The following GDI2 variants were observed in gnomAD, a reference collection of about 807,000 sequenced individuals.
The protein encoded by GDI2 is GDP dissociation inhibitor 2, also known as rab GDP dissociation inhibitor beta.
GDI2 carries 22 observed loss-of-function variants against 54.2 expected under a neutral mutation model. The observed-to-expected ratio is 0.41, with a 90% confidence interval of 0.29 to 0.58. The LOEUF (loss-of-function observed/expected upper bound fraction) is 0.58, where lower values mean the gene tolerates loss of function less well. GDI2 is among the 20% of genes least tolerant of loss of function. GDI2 has a pLI of 0.35. For missense variants in GDI2, 422 were observed against 546.0 expected (o/e 0.77, Z 2.26); for synonymous variants, 177 against 182.1 (o/e 0.97, Z 0.23).
rs1840745270 is a variant in GDI2 at position 5,781,168 on chromosome 10, G to C, written c.719+3974C>G. Among the ~76,000 whole-genome samples, 5 of 140,710 alleles carry C rather than the reference G, an allele frequency of 3.6e-5. No individual in the cohort carries two copies. In the South Asian group the frequency reaches 9.1e-4, roughly 26 times the overall value. 92.3% of individuals were successfully genotyped at this position (140,710 alleles called of 152,430 possible). On this transcript the variant is annotated intron_variant, in intron 6 of 10. Transcript: ENST00000380191. ...ATGCAGCTAAAACAACTAAATATTC[G>C]TATGTAAAAAAAAAAAAGAACCTCA...
chr10:5,800,798 G>T, intron 1 of GDI2, 93 bp from the exon 2 acceptor site: 5 of 727,648 alleles, frequency 6.9e-6, no homozygotes, highest in Non-Finnish European at 7.6e-6. Flanking sequence ...CATTCTCTTA[G>T]TAATTACACT....
chr10:5,791,519 G>A (rs1194372500), intron 4 of GDI2, among the ~76,000 whole-genome samples: 5 of 152,128 alleles, frequency 3.3e-5, no homozygotes, highest in South Asian at 2.1e-4. Context: ...AGGCCAAGGC[G>A]GACGGATCAT....
chr10:5,803,289 G>C (rs1841308914), intron 1 of GDI2, among the ~76,000 whole-genome samples: 1 of 152,138 alleles, frequency 6.6e-6, no homozygotes, highest in Admixed American at 6.6e-5. Context: ...GGGTGTGGTG[G>C]TGAGCACCTG....
intron 4 of GDI2, among the ~76,000 whole-genome samples, chr10:5,790,243 C>CA (rs1324368368): frequency 1.3e-5 from 2 of 152,186 alleles, no homozygotes; most frequent in African/African-American, 4.8e-5. Context: ...CTTTTGGTAC[C>CA]AATAAGTCCA....
chr10:5,765,924 G>A lies in GDI2; in HGVS notation c.*82C>T. ...TCTCTCCATTTTCATTACAAAAGCA[G>A]GCCTTACAATATTGATTTCATTATA... On this transcript the variant is annotated 3_prime_UTR_variant, in exon 11 of 11. Coordinates refer to ENST00000380191, the MANE Select transcript of GDI2 (RefSeq NM_001494.4). The A allele has an allele frequency of 1.1e-6, 1 of 949,010 alleles. No homozygotes were observed. Among genetic ancestry groups the A allele is most frequent in the South Asian group, 1.7e-5 (1 of 59,490 alleles). The allele number at this position is 949,010 out of a possible 1,614,324, so 58.8% of individuals were successfully genotyped here.
chr10:5,804,434 A>T, intron 1 of GDI2, among the ~76,000 whole-genome samples: 1 of 152,104 alleles, frequency 6.6e-6, no homozygotes, highest in Admixed American at 6.6e-5. Context: ...AAACATTCTG[A>T]GCACTCCAGA....
chr10:5,767,463 G>A (rs1840375174), intron 8 of GDI2, among the ~76,000 whole-genome samples: 1 of 152,054 alleles, frequency 6.6e-6, no homozygotes, highest in Non-Finnish European at 1.5e-5. Flanking sequence ...ACAGGTGTGT[G>A]CCACCACACC....
chr10:5,803,118 A>C lies in GDI2; in HGVS notation c.46-2413T>G, dbSNP rs140065376. Among the ~76,000 whole-genome samples, 55 of 152,376 alleles carry C rather than the reference A, an allele frequency of 3.6e-4. No individual in the cohort carries two copies. In the East Asian group the frequency reaches 0.01, roughly 28 times the overall value. On this transcript the variant is annotated intron_variant, in intron 1 of 10. Transcript: ENST00000380191. The stretch of plus-strand genomic sequence containing the variant: ...TGTGAATTCAGTTTTATTAAGCCAG[A>C]CATTAAAGGATTTGCAGAAAACGTG...
Position 5,776,110 on chromosome 10 carries a change from C to A in GDI2, c.720-2169G>T. 4.1e-6 allele frequency: 1 copy of A among 246,738 alleles called. No individual in the cohort carries two copies. 15.3% of individuals were successfully genotyped at this position (246,738 alleles called of 1,614,324 possible). A position where few individuals can be genotyped will look rare whatever the true frequency, so the allele number is the denominator to read the frequency against. Reference sequence around the variant, plus strand: ...CTCATCAACAGAGCAGATGAACAGACCATTTATCAGCAACTACAAAGAAGC... The same window carrying A: ...CTCATCAACAGAGCAGATGAACAGAACATTTATCAGCAACTACAAAGAAGC... On this transcript the variant is annotated intron_variant, in intron 6 of 10. Coordinates refer to ENST00000380191, the MANE Select transcript of GDI2 (RefSeq NM_001494.4). This position sits in a 1 kb window ranked among gnomAD's most constrained non-coding sequence, Gnocchi z 5.3.
intron 1 of GDI2, among the ~76,000 whole-genome samples, chr10:5,803,397 C>A (rs1050881061): frequency 2.6e-5 from 4 of 152,142 alleles, no homozygotes; most frequent in Middle Eastern, 3.4e-3. Context: ...GCACTTCAGC[C>A]TGGGTGACAA....
rs74827454 is a variant in GDI2 at position 5,798,455 on chromosome 10, G to T, written c.154-1593C>A. 2.8e-3 allele frequency among the ~76,000 whole-genome samples: 428 copies of T among 152,076 alleles called. 9 individuals carry two copies. Among genetic ancestry groups the T allele is most frequent in the Admixed American group, 0.021 (318 of 15,260 alleles). ...ATACAAAAAATTAGCCAGACGTGAT[G>T]ATGTACGCCTGTAATTCCAGCTACT... On this transcript the variant is annotated intron_variant, in intron 2 of 10. Transcript: ENST00000380191.
At chr10:5,780,174 A>T (rs1202413044) in intron 6 of GDI2, among the ~76,000 whole-genome samples, 1 of 151,350 alleles carries the variant, frequency 6.6e-6, no homozygotes, top group East Asian at 1.9e-4. Flanking sequence ...ATGCCACTGC[A>T]CTCTAGCATG....
At chr10:5,806,602 T>C (rs752141607) in intron 1 of GDI2, among the ~76,000 whole-genome samples, 5 of 152,166 alleles carry the variant, frequency 3.3e-5, no homozygotes. Flanking sequence ...TTCTGTGGCC[T>C]GCCTTTTCAC....
intron 4 of GDI2, among the ~76,000 whole-genome samples, chr10:5,787,331 C>T (rs1038646708): frequency 4.6e-5 from 7 of 152,094 alleles, no homozygotes; most frequent in African/African-American, 1.7e-4. Flanking sequence ...ATGGTGAAAC[C>T]CCATCTCTAC....
chr10:5,775,545 G>C (rs1308203029), intron 6 of GDI2, among the ~76,000 whole-genome samples: 1 of 152,138 alleles, frequency 6.6e-6, no homozygotes, highest in Admixed American at 6.5e-5. Flanking sequence ...GAAAATTGTA[G>C]GGGAAAGTTT....
chr10:5,768,391 CAAAGCATTTAA>C lies in GDI2; in HGVS notation c.820-18_820-8del. The C allele has an allele frequency of 6.3e-7, 1 of 1,597,740 alleles. No individual in the cohort carries two copies. The highest frequency in any genetic ancestry group is 2.2e-5 in the East Asian group (1 of 44,792). ...GCTGCTTACAGCGAGCAATCTATAA[CAAAGCATTTAA>C]GAAGACACTGAAGCGGACAAGGATA... On this transcript the variant is annotated splice_region_variant and splice_polypyrimidine_tract_variant and intron_variant, in intron 7 of 10. Transcript: ENST00000380191. The surrounding 1 kb of genome is among the most constrained non-coding windows in gnomAD (Gnocchi z 4.4).
Position 5,766,255 on chromosome 10 carries a change from C to A in GDI2, c.1177G>T (p.Gly393Ter). ...ISDLLVPKDL[G>*]TESQIFISRT... ...TCCATACTCACCTGGCTTTCTGTTC[C>A]CAAGTCTTTTGGTACCAGGAGGTCA... Residue 393 changes from glycine (G) to a stop codon, truncating the protein, a stop_gained, in exon 10 of 11, where the codon GGA becomes TGA. Coordinates refer to ENST00000380191, the MANE Select transcript of GDI2 (RefSeq NM_001494.4). LOFTEE classifies it high-confidence loss of function. This position sits in a 1 kb window ranked among gnomAD's most constrained non-coding sequence, Gnocchi z 5.8. 6.2e-7 allele frequency: 1 copy of A among 1,613,690 alleles called. No homozygotes were observed. The highest frequency in any genetic ancestry group is 8.5e-7 in the Non-Finnish European group (1 of 1,179,584).
intron 2 of GDI2, among the ~76,000 whole-genome samples, chr10:5,800,340 G>A (rs956648302): frequency 2.6e-5 from 4 of 152,108 alleles, no homozygotes; most frequent in Non-Finnish European, 4.4e-5. Flanking sequence ...CTGGACTTGC[G>A]CTGGCACATC....
At chr10:5,779,050 G>A (rs1840691093) in intron 6 of GDI2, among the ~76,000 whole-genome samples, 1 of 152,144 alleles carries the variant, frequency 6.6e-6, no homozygotes, top group Non-Finnish European at 1.5e-5. Context: ...ATGCCCAAAT[G>A]TTAAAATACG....
Sources: allele counts gnomAD v4.1 joint callset (sites outside exome capture counted in the v4.1 genomes callset), GRCh38; gene constraint gnomAD v4.1.1; non-coding constraint Gnocchi (gnomAD v3.1); transcripts MANE v1.5; gene names NCBI Gene and HGNC (gene_info 2026-07-23, HGNC 2026-07-21).